Variants in EFR3A observed in about 807,000 individuals in gnomAD.
EFR3A encodes protein EFR3 homolog A.
A neutral mutation model predicts 104.4 loss-of-function variants in EFR3A; 76 were observed. The ratio of observed to expected loss-of-function variants is 0.73; its 90% CI spans 0.60 to 0.88. The LOEUF is 0.88. EFR3A is among the 40% of genes least tolerant of loss of function. EFR3A has a pLI of 0.00. For missense variants in EFR3A, 985 were observed against 1,012.5 expected (o/e 0.97, Z 0.37); for synonymous variants, 330 against 330.0 (o/e 1.00, Z 0.00).
At chr8:131,989,774 G>A (rs962884888) in intron 18 of EFR3A, among the ~76,000 whole-genome samples, 2 of 152,124 alleles carry the variant, frequency 1.3e-5, no homozygotes, top group Admixed American at 6.6e-5. Context: ...AATCTAGTGG[G>A]AAAAGCAGAT....
At chr8:132,005,774 G>A (rs2130813924) in intron 22 of EFR3A, among the ~76,000 whole-genome samples, 1 of 152,222 alleles carries the variant, frequency 6.6e-6, no homozygotes, top group South Asian at 2.1e-4. Flanking sequence ...AATTTAAGTG[G>A]CCTTTAGAAA....
rs769019881 is a variant in EFR3A at position 131,986,206 on chromosome 8, C to A, written c.1882C>A (p.Arg628=). The change falls in exon 17 of 23, where the codon CGA becomes AGA. Residue 628 remains arginine (R), a synonymous_variant. Coordinates refer to ENST00000254624, the MANE Select transcript of EFR3A (RefSeq NM_015137.6). ...CQHVSKVIEI[R]TMEAPYFLPE... The stretch of plus-strand genomic sequence containing the variant: ...GAATATTTTTTAGGTTATTGAAATT[C>A]GAACTATGGAAGCCCCTTATTTTCT... 5 of 1,583,700 alleles carry A rather than the reference C, an allele frequency of 3.2e-6. No homozygotes were observed. The highest frequency in any genetic ancestry group is 3.4e-5 in the Admixed American group (2 of 58,804).
Position 131,944,798 on chromosome 8 carries a change from T to G in EFR3A, c.141T>G (p.Ala47=). Residue 47 remains alanine (A), a synonymous_variant, in exon 3 of 23, where the codon GCT becomes GCG. Transcript: ENST00000254624. ...AATTGACATTTTATGCAGTATCTGC[T>G]CCAGAGAAACTGGATCGAATTGGTT... ...MEKLTFYAVS[A]PEKLDRIGSY... The G allele has an allele frequency of 6.2e-7, 1 of 1,609,204 alleles. No individual in the cohort carries two copies. Among genetic ancestry groups the G allele is most frequent in the Non-Finnish European group, 8.5e-7 (1 of 1,177,600 alleles).
chr8:131,994,120 G>A (rs1821356499), intron 18 of EFR3A, among the ~76,000 whole-genome samples: 1 of 152,128 alleles, frequency 6.6e-6, no homozygotes, highest in Admixed American at 6.6e-5. Context: ...GCACATGCCT[G>A]TAGTCCTGAC....
rs1297025788 is a variant in EFR3A, at chr8:132,010,888, T to C, written c.2459T>C (p.Val820Ala). 4 of 1,602,970 alleles carry C rather than the reference T, an allele frequency of 2.5e-6. No individual in the cohort carries two copies. The highest frequency in any genetic ancestry group is 3.4e-6 in the Non-Finnish European group (4 of 1,172,424). The change falls in exon 23 of 23, where the codon GTG becomes GCG. Residue 820 changes from valine to alanine, a missense_variant. Coordinates refer to ENST00000254624, the MANE Select transcript of EFR3A (RefSeq NM_015137.6). ...GAGATGAAGTTTCCAGATCTGTGTG[T>C]GTACTGATCGGCGCATGAAGACCTC... ...VYEMKFPDLC[V>A]Y is the part of the protein sequence containing the mutation.
intron 1 of EFR3A, among the ~76,000 whole-genome samples, chr8:131,915,284 A>G (rs1044524856): frequency 6.6e-6 from 1 of 152,198 alleles, no homozygotes; most frequent in African/African-American, 2.4e-5. Context: ...AAAACTGTTT[A>G]GTTGATAGTG....
intron 18 of EFR3A, among the ~76,000 whole-genome samples, chr8:131,994,152 A>G (rs1267657618): frequency 5.3e-5 from 8 of 152,200 alleles, no homozygotes; most frequent in Non-Finnish European, 1.0e-4. Flanking sequence ...CTAAAATGGG[A>G]GAATCACGTG....
At chr8:131,941,665 G>A (rs145389600) in intron 2 of EFR3A, among the ~76,000 whole-genome samples, 47 of 152,202 alleles carry the variant, frequency 3.1e-4, no homozygotes, top group Non-Finnish European at 6.0e-4. Flanking sequence ...AAAATGCTAA[G>A]TAAATCAGGT....
chr8:132,006,972 A>T (rs1290445295), intron 22 of EFR3A, among the ~76,000 whole-genome samples: 2 of 151,906 alleles, frequency 1.3e-5, no homozygotes, highest in African/African-American at 4.8e-5. Context: ...TTAAGACAAA[A>T]ATTATCAGAA....
chr8:131,926,750 A>G (rs751215917), intron 1 of EFR3A, among the ~76,000 whole-genome samples: 3 of 152,024 alleles, frequency 2.0e-5, no homozygotes, highest in African/African-American at 7.2e-5. Context: ...CTCCCGAGTA[A>G]CTGAGGCTAT....
intron 1 of EFR3A, chr8:131,924,092 A>G (rs1586541763): frequency 4.5e-6 from 2 of 441,982 alleles, no homozygotes; most frequent in East Asian, 1.5e-4. Context: ...TTCTTAGGTC[A>G]TAAAATGAAT....
intron 12 of EFR3A, among the ~76,000 whole-genome samples, chr8:131,977,835 G>GT (rs1025372498): frequency 2.0e-5 from 3 of 151,886 alleles, no homozygotes; most frequent in African/African-American, 4.8e-5. Context: ...AGATTTATCA[G>GT]TTTTTTCTAT....
chr8:131,944,986 T>A, intron 3 of EFR3A, 114 bp downstream of exon 3: 1 of 1,144,028 alleles, frequency 8.7e-7, no homozygotes, highest in Non-Finnish European at 1.2e-6. Context: ...ATATAGAGGA[T>A]AAAACATTGT....
Position 131,904,159 on chromosome 8 carries a change from C to A in EFR3A, c.-154C>A. The A allele has an allele frequency of 2.2e-6, 2 of 903,734 alleles. No individual in the cohort carries two copies. Among genetic ancestry groups the A allele is most frequent in the Non-Finnish European group, 2.9e-6 (2 of 690,734 alleles). 56.0% of individuals were successfully genotyped at this position (903,734 alleles called of 1,614,324 possible). A position where few individuals can be genotyped will look rare whatever the true frequency, so the allele number is the denominator to read the frequency against. On this transcript the variant is annotated 5_prime_UTR_variant, in exon 1 of 23. Coordinates refer to ENST00000254624, the MANE Select transcript of EFR3A (RefSeq NM_015137.6). ...GCTGTCGCCCGCTTGGTTGCGTGAC[C>A]GCGGGGTCCGCGTCCGCTCCCTCCA...
intron 1 of EFR3A, among the ~76,000 whole-genome samples, chr8:131,927,786 G>A (rs558581704): frequency 5.3e-5 from 8 of 151,854 alleles, no homozygotes; most frequent in South Asian, 4.2e-4. Context: ...TTGAATTATC[G>A]TTTATTATTT....
In EFR3A at chr8:131,970,561, A is replaced by T. The variant is rs1368973569; in HGVS notation, c.1077A>T (p.Gly359=). 1.2e-6 allele frequency: 2 copies of T among 1,613,778 alleles called. No homozygotes were observed. Among genetic ancestry groups the T allele is most frequent in the Non-Finnish European group, 1.7e-6 (2 of 1,179,758 alleles). The change falls in exon 10 of 23, where the codon GGA becomes GGT. Residue 359 remains glycine (G), a synonymous_variant. Transcript: ENST00000254624. ...VEFEANDLQG[G]SVGSVNLNTS... ...TCGAAGCAAATGATTTACAGGGGGGATCTGTAGGCAGTGTCAACTTAAATA... is the reference window on the plus strand; with the variant it reads ...TCGAAGCAAATGATTTACAGGGGGGTTCTGTAGGCAGTGTCAACTTAAATA...
chr8:131,973,260 A>G (rs1820165965), intron 10 of EFR3A, among the ~76,000 whole-genome samples: 1 of 151,964 alleles, frequency 6.6e-6, no homozygotes, highest in Non-Finnish European at 1.5e-5. Context: ...ATTAATATAT[A>G]GTGAACCTCG....
At chr8:131,981,023 A>G (rs1381763341) in intron 14 of EFR3A, among the ~76,000 whole-genome samples, 1 of 119,524 alleles carries the variant, frequency 8.4e-6, no homozygotes, top group Non-Finnish European at 1.8e-5. Flanking sequence ...ATTTCATTTT[A>G]TATATATATA....
intron 1 of EFR3A, among the ~76,000 whole-genome samples, chr8:131,931,605 T>C (rs1425897378): frequency 6.6e-6 from 1 of 152,166 alleles, no homozygotes; most frequent in African/African-American, 2.4e-5. Flanking sequence ...TATGAATATT[T>C]GCAAATTTCA....
Sources: gnomAD v4.1 joint callset for allele counts (sites outside exome capture counted in the v4.1 genomes callset) on GRCh38, gnomAD v4.1.1 for gene constraint, MANE v1.5 for transcripts, NCBI Gene and HGNC (gene_info 2026-07-23, HGNC 2026-07-21) for gene names.